Variants in CDC73 observed in about 807,000 individuals in gnomAD.
The protein encoded by CDC73 is parafibromin.
In CDC73, 21 loss-of-function variants were observed where a neutral mutation model predicts 83.7. That is an observed-to-expected ratio of 0.25 (90% CI 0.18 to 0.36). The LOEUF (loss-of-function observed/expected upper bound fraction) is 0.36. Ranked by LOEUF, CDC73 falls within the 10% of genes least tolerant of loss-of-function variation. CDC73 has a pLI of 1.00. For missense variants in CDC73, 342 were observed against 653.3 expected (o/e 0.52, Z 5.19); for synonymous variants, 224 against 212.9 (o/e 1.05, Z -0.45).
At chr1:193,226,028 C>A (rs1201955458) in intron 13 of CDC73, among the ~76,000 whole-genome samples, 1 of 152,056 alleles carries the variant, frequency 6.6e-6, no homozygotes, top group Non-Finnish European at 1.5e-5. Flanking sequence ...TAGAATTTTT[C>A]TAGTTTCAGG....
At chr1:193,170,400 A>G (rs1676500058) in intron 10 of CDC73, among the ~76,000 whole-genome samples, 1 of 152,210 alleles carries the variant, frequency 6.6e-6, no homozygotes. Flanking sequence ...GAATTAATTT[A>G]CACTTTCATC....
intron 13 of CDC73, among the ~76,000 whole-genome samples, chr1:193,212,748 A>T (rs1677300855): frequency 1.3e-5 from 2 of 152,132 alleles, no homozygotes; most frequent in Admixed American, 1.3e-4. Context: ...TTTTCTTTTG[A>T]TGATTTTCTC....
At chr1:193,229,756 G>A (rs1445065888) in intron 13 of CDC73, among the ~76,000 whole-genome samples, 1 of 152,154 alleles carries the variant, frequency 6.6e-6, no homozygotes, top group African/African-American at 2.4e-5. Flanking sequence ...ACATCCCACA[G>A]CAGGTATGAT....
chr1:193,123,532 G>T (rs1249646444), intron 1 of CDC73, among the ~76,000 whole-genome samples: 1 of 152,162 alleles, frequency 6.6e-6, no homozygotes, highest in Non-Finnish European at 1.5e-5. Context: ...CTGCCTATTG[G>T]TTGGTTTTAA....
At chr1:193,192,466 A>G (rs1401617620) in intron 10 of CDC73, among the ~76,000 whole-genome samples, 3 of 152,106 alleles carry the variant, frequency 2.0e-5, no homozygotes, top group African/African-American at 7.2e-5. Context: ...CAAGAAAGCA[A>G]GTGTTGGAAG....
At chr1:193,191,992 T>C (rs1365561784) in intron 10 of CDC73, among the ~76,000 whole-genome samples, 1 of 152,216 alleles carries the variant, frequency 6.6e-6, no homozygotes, top group Non-Finnish European at 1.5e-5. Context: ...TATTAATTTA[T>C]TTAAAGTATA....
intron 5 of CDC73, among the ~76,000 whole-genome samples, chr1:193,136,021 A>G (rs1042115610): frequency 2.6e-5 from 4 of 151,808 alleles, no homozygotes; most frequent in Non-Finnish European, 4.4e-5. Flanking sequence ...GGTGCCTGCC[A>G]CCATGCCCAG....
chr1:193,193,780 AGTGTGTGTGTGTGTGTGTGTGT>A (rs71111459), intron 10 of CDC73, among the ~76,000 whole-genome samples: 8 of 135,916 alleles, frequency 5.9e-5, no homozygotes, highest in South Asian at 2.5e-4. Flanking sequence ...TCTTACTTGT[AGTGTGTGTGTGTGTGTGTGTGT>A]GTGTGTGTGT....
At position 193,254,498 on chromosome 1, in the gene CDC73, T is replaced by A. The variant is rs74130943; in HGVS notation, c.*3786T>A. Reference sequence around the variant, plus strand: ...TTGGAGTGGGAATTTTGAAATGCCATGTCCTATATATTCTGGCATATTTGT... The same window carrying A: ...TTGGAGTGGGAATTTTGAAATGCCAAGTCCTATATATTCTGGCATATTTGT... On this transcript the variant is annotated 3_prime_UTR_variant, in exon 17 of 17. Coordinates refer to ENST00000367435, the MANE Select transcript of CDC73 (RefSeq NM_024529.5). Among the ~76,000 whole-genome samples the A allele has an allele frequency of 0.041, 6,222 of 152,204 alleles. 403 individuals carry two copies. The highest frequency in any genetic ancestry group is 0.14 in the African/African-American group (5,870 of 41,518).
In CDC73 at chr1:193,210,386, A is replaced by C. The variant is rs1009692872; in HGVS notation, c.1031-1679A>C. Among the ~76,000 whole-genome samples, 6 of 152,344 alleles carry C rather than the reference A, an allele frequency of 3.9e-5. No homozygotes were observed. The East Asian group carries it at 1.2e-3, about 29-fold the overall frequency. On this transcript the variant is annotated intron_variant, in intron 11 of 16. Transcript: ENST00000367435. The stretch of plus-strand genomic sequence containing the variant: ...GAACTGACATTGAATTAGAATTTTA[A>C]GTCTCCTAAATTTTTCTTTATTTTT...
intron 13 of CDC73, 68 bp downstream of exon 13, chr1:193,212,545 AATC>A (rs1208347495): frequency 9.6e-7 from 1 of 1,044,854 alleles, no homozygotes; most frequent in East Asian, 2.4e-5. Flanking sequence ...GTAGTTACTG[AATC>A]AGTATTACTT....
chr1:193,138,560 G>A (rs1572152729), intron 6 of CDC73, among the ~76,000 whole-genome samples: 1 of 152,264 alleles, frequency 6.6e-6, no homozygotes, highest in East Asian at 1.9e-4. Flanking sequence ...GTGGTGTGGG[G>A]AAAGCAGCCA....
At chr1:193,169,364 G>C (rs567797899) in intron 10 of CDC73, among the ~76,000 whole-genome samples, 1 of 152,160 alleles carries the variant, frequency 6.6e-6, no homozygotes, top group African/African-American at 2.4e-5. Context: ...GGCCAACATG[G>C]TGAAATCCTG....
chr1:193,202,949 A>G (rs965960890), intron 10 of CDC73, among the ~76,000 whole-genome samples: 3 of 152,114 alleles, frequency 2.0e-5, no homozygotes, highest in African/African-American at 7.2e-5. Context: ...TTATATATTT[A>G]TGTACCTCCC....
At chr1:193,179,269 T>G (rs1676668933) in intron 10 of CDC73, 1 of 152,206 alleles carries the variant, frequency 6.6e-6, no homozygotes, top group Non-Finnish European at 1.5e-5. Context: ...TGATTAAGTG[T>G]TGGCATGTGT....
chr1:193,231,364 G>T (rs1162246082), intron 13 of CDC73, among the ~76,000 whole-genome samples: 1 of 152,136 alleles, frequency 6.6e-6, no homozygotes, highest in Non-Finnish European at 1.5e-5. Flanking sequence ...TGTGTGTGTG[G>T]AACATAAGTT....
chr1:193,163,152 TGTG>T (rs956957889), intron 10 of CDC73, among the ~76,000 whole-genome samples: 30 of 12,466 alleles, frequency 2.4e-3, no homozygotes, highest in African/African-American at 0.019. Flanking sequence ...TTTGTGGGGT[TGTG>T]TGTGTGTGTG....
chr1:193,139,146 A>G (rs920193978), intron 6 of CDC73, among the ~76,000 whole-genome samples: 31 of 152,186 alleles, frequency 2.0e-4, no homozygotes, highest in African/African-American at 7.5e-4. Context: ...TATATCTGTT[A>G]AATTCTTTCT....
chr1:193,217,947 T>A (rs1677399300), intron 13 of CDC73, among the ~76,000 whole-genome samples: 1 of 152,138 alleles, frequency 6.6e-6, no homozygotes, highest in South Asian at 2.1e-4. Context: ...ATAAAAGGCA[T>A]CCAAATAGAG....
Sources: gnomAD v4.1 joint callset for allele counts (sites outside exome capture counted in the v4.1 genomes callset) on GRCh38, gnomAD v4.1.1 for gene constraint, MANE v1.5 for transcripts, NCBI Gene and HGNC (gene_info 2026-07-23, HGNC 2026-07-21) for gene names.